Variants in CCDC192 observed in about 807,000 individuals in gnomAD.
CCDC192 encodes the protein coiled-coil domain-containing protein 192.
Position 127,926,468 on chromosome 5 carries a change from A to C in CCDC192, c.536-14714A>C, listed in dbSNP as rs192665481. Among the ~76,000 whole-genome samples, 16 of 152,300 alleles carry C rather than the reference A, an allele frequency of 1.1e-4. No individual in the cohort carries two copies. In the East Asian group the frequency reaches 3.1e-3, roughly 29 times the overall value. On this transcript the variant is annotated intron_variant, in intron 6 of 6. Coordinates refer to ENST00000514853, the MANE Select transcript of CCDC192 (RefSeq NM_001317938.2). ...AGATTGAGAACGTATTTTGTGAAAG[A>C]GAATTATAAGGATGTGGAGGTGAAG...
intron 2 of CCDC192, among the ~76,000 whole-genome samples, chr5:127,729,492 C>A (rs911029299): frequency 1.3e-5 from 2 of 152,164 alleles, no homozygotes; most frequent in African/African-American, 4.8e-5. Context: ...ATATTCAGGA[C>A]TTGAACTCAG....
At chr5:127,937,761 C>T (rs1166378415) in intron 6 of CCDC192, among the ~76,000 whole-genome samples, 3 of 152,334 alleles carry the variant, frequency 2.0e-5, no homozygotes, top group Non-Finnish European at 2.9e-5. Flanking sequence ...AATGCCGCTT[C>T]GCCGCATTTT....
chr5:127,898,115 T>TC (rs1268374296), intron 6 of CCDC192, among the ~76,000 whole-genome samples: 1 of 152,050 alleles, frequency 6.6e-6, no homozygotes, highest in African/African-American at 2.4e-5. Context: ...TGGTCCAGTT[T>TC]TTTTTTTTTT....
chr5:127,707,304 C>G (rs1300296046), intron 1 of CCDC192, among the ~76,000 whole-genome samples: 2 of 150,320 alleles, frequency 1.3e-5, no homozygotes, highest in East Asian at 4.2e-4. Flanking sequence ...TGGAAATGAT[C>G]CAGGAGATAG....
chr5:127,862,514 T>G (rs1751410511), intron 5 of CCDC192, among the ~76,000 whole-genome samples: 1 of 152,190 alleles, frequency 6.6e-6, no homozygotes. Flanking sequence ...AAAAGCCAAA[T>G]TACAGTCTCA....
At position 127,901,703 on chromosome 5, in the gene CCDC192, C is replaced by T. The variant is rs535114743; in HGVS notation, c.535+26042C>T. Among the ~76,000 whole-genome samples the T allele has an allele frequency of 2.0e-5, 3 of 152,326 alleles. No homozygotes were observed. In the East Asian group the frequency reaches 5.8e-4, roughly 29 times the overall value. ...GTCAGGGCTTCTTTACCATTCATCT[C>T]TTTCCATTCCACACATGTTTGAAGG... On this transcript the variant is annotated intron_variant, in intron 6 of 6. Coordinates refer to ENST00000514853, the MANE Select transcript of CCDC192 (RefSeq NM_001317938.2).
intron 5 of CCDC192, among the ~76,000 whole-genome samples, chr5:127,807,101 T>C (rs1757830315): frequency 6.6e-6 from 1 of 152,142 alleles, no homozygotes; most frequent in Non-Finnish European, 1.5e-5. Flanking sequence ...GGAGGTTACG[T>C]AAAGTTGTGA....
In CCDC192 at chr5:127,895,058, C is replaced by T. The variant is rs182655933; in HGVS notation, c.535+19397C>T. Among the ~76,000 whole-genome samples, 67 of 152,192 alleles carry T rather than the reference C, an allele frequency of 4.4e-4. 1 individual carries two copies. The highest frequency in any genetic ancestry group is 3.6e-3 in the Admixed American group (55 of 15,294). On this transcript the variant is annotated intron_variant, in intron 6 of 6. Transcript: ENST00000514853. ...TGTGCAGTTTGGTTACGTAAGTAAG[C>T]GTGTGCTGCGGTATTTTGCTGCACA...
intron 6 of CCDC192, among the ~76,000 whole-genome samples, chr5:127,918,913 A>T (rs1238631285): frequency 6.6e-6 from 1 of 150,886 alleles, no homozygotes; most frequent in Non-Finnish European, 1.5e-5. Flanking sequence ...ATGTTTGCAT[A>T]TGTGTGTATA....
chr5:127,931,804 T>C (rs550487873), intron 6 of CCDC192, among the ~76,000 whole-genome samples: 1 of 152,196 alleles, frequency 6.6e-6, no homozygotes, highest in South Asian at 2.1e-4. Flanking sequence ...ATCTAAATCC[T>C]AGATTGGGAA....
intron 6 of CCDC192, among the ~76,000 whole-genome samples, chr5:127,900,845 A>G (rs1403619352): frequency 6.6e-6 from 1 of 152,204 alleles, no homozygotes; most frequent in African/African-American, 2.4e-5. Context: ...GCAGTACTGT[A>G]TAAACGTTGC....
At chr5:127,868,100 C>T (rs966886883) in intron 5 of CCDC192, among the ~76,000 whole-genome samples, 4 of 149,752 alleles carry the variant, frequency 2.7e-5, no homozygotes, top group African/African-American at 9.8e-5. Flanking sequence ...ATGTATACTA[C>T]ATAAAGGGGC....
At chr5:127,776,014 T>A (rs1580638280) in intron 3 of CCDC192, among the ~76,000 whole-genome samples, 1 of 152,166 alleles carries the variant, frequency 6.6e-6, no homozygotes, top group South Asian at 2.1e-4. Flanking sequence ...GCAGCATGAG[T>A]ACAGACTAAT....
chr5:127,935,654 C>G (rs1754167353), intron 6 of CCDC192: 1 of 152,184 alleles, frequency 6.6e-6, no homozygotes. Flanking sequence ...TTTTCCCAGT[C>G]TATGTATGGC....
At chr5:127,844,682 A>C (rs920463254) in intron 5 of CCDC192, among the ~76,000 whole-genome samples, 7 of 152,208 alleles carry the variant, frequency 4.6e-5, no homozygotes, top group Admixed American at 2.6e-4. Flanking sequence ...TTGGGGACGC[A>C]GCAGGATGTG....
At chr5:127,743,966 C>T (rs989915707) in intron 2 of CCDC192, among the ~76,000 whole-genome samples, 16 of 151,428 alleles carry the variant, frequency 1.1e-4, no homozygotes, top group Non-Finnish European at 1.9e-4. Context: ...TGGTGGCGGG[C>T]GCCTGTAGTC....
intron 5 of CCDC192, among the ~76,000 whole-genome samples, chr5:127,806,107 T>C (rs1427720898): frequency 6.6e-6 from 1 of 152,210 alleles, no homozygotes; most frequent in Non-Finnish European, 1.5e-5. Flanking sequence ...ATTGAAGCAA[T>C]ATTCAAAATG....
intron 6 of CCDC192, among the ~76,000 whole-genome samples, chr5:127,884,941 A>T (rs1752506214): frequency 6.6e-6 from 1 of 152,110 alleles, no homozygotes; most frequent in South Asian, 2.1e-4. Flanking sequence ...ATCTACCCTG[A>T]AATTTTTGGT....
intron 6 of CCDC192, among the ~76,000 whole-genome samples, chr5:127,903,920 A>C (rs1476315677): frequency 6.6e-6 from 1 of 152,196 alleles, no homozygotes; most frequent in Non-Finnish European, 1.5e-5. Context: ...CAGGTAAAAT[A>C]ATGACCCTCC....
Sources: gnomAD v4.1 joint callset for allele counts (sites outside exome capture counted in the v4.1 genomes callset) on GRCh38, gnomAD v4.1.1 for gene constraint, MANE v1.5 for transcripts, NCBI Gene and HGNC (gene_info 2026-07-23, HGNC 2026-07-21) for gene names.